B3GALT1: variants seen among roughly 807,000 people sequenced by gnomAD.
The protein encoded by B3GALT1 is beta-1,3-galactosyltransferase 1.
Under a neutral mutation model 23.2 loss-of-function variants are expected in B3GALT1, and 10 were observed. The ratio of observed to expected loss-of-function variants is 0.43; its 90% confidence interval spans 0.27 to 0.73. The LOEUF is 0.73. Among genes scored for constraint, B3GALT1 ranks in the 30% least tolerant of loss-of-function variants. The pLI, the probability that B3GALT1 is intolerant of heterozygous loss-of-function variation, is 0.21. For missense variants in B3GALT1, 299 were observed against 405.4 expected (o/e 0.74, Z 2.25); for synonymous variants, 156 against 141.5 (o/e 1.10, Z -0.73).
At chr2:167,607,576 G>A (rs1253895583) in intron 2 of B3GALT1, among the ~76,000 whole-genome samples, 1 of 152,180 alleles carries the variant, frequency 6.6e-6, no homozygotes, top group East Asian at 1.9e-4. Flanking sequence ...CAGGAGAAAG[G>A]AACAAAGAAA....
intron 2 of B3GALT1, among the ~76,000 whole-genome samples, chr2:167,568,622 A>G (rs1188112295): frequency 6.6e-6 from 1 of 151,992 alleles, no homozygotes; most frequent in Non-Finnish European, 1.5e-5. Context: ...TATATTTTAG[A>G]TAACAATATT....
chr2:167,648,307 C>T (rs925632267), intron 3 of B3GALT1, among the ~76,000 whole-genome samples: 1 of 152,078 alleles, frequency 6.6e-6, no homozygotes, highest in Non-Finnish European at 1.5e-5. Context: ...TTAAGAACTT[C>T]GTTGATCTAG....
chr2:167,685,819 T>C (rs1331510242), intron 3 of B3GALT1, among the ~76,000 whole-genome samples: 3 of 152,194 alleles, frequency 2.0e-5, no homozygotes, highest in Admixed American at 6.5e-5. Context: ...CTTTTTTCCT[T>C]AGAGGAAGGA....
chr2:167,294,062 G>A (rs1441263311), intron 1 of B3GALT1, among the ~76,000 whole-genome samples: 1 of 152,212 alleles, frequency 6.6e-6, no homozygotes, highest in African/African-American at 2.4e-5. Flanking sequence ...CCACTCTGAG[G>A]TACTGGTAGC....
At chr2:167,695,918 GT>G (rs1173990444) in intron 3 of B3GALT1, among the ~76,000 whole-genome samples, 1 of 152,110 alleles carries the variant, frequency 6.6e-6, no homozygotes, top group African/African-American at 2.4e-5. Flanking sequence ...GGCAGGGGAA[GT>G]GACAGTTGTA....
chr2:167,361,218 T>G (rs1442367935), intron 1 of B3GALT1, among the ~76,000 whole-genome samples: 1 of 150,212 alleles, frequency 6.7e-6, no homozygotes, highest in Non-Finnish European at 1.5e-5. Context: ...ACTAGTTTTT[T>G]TTTTTTTTTT....
chr2:167,566,275 C>G (rs1230554748), intron 2 of B3GALT1, among the ~76,000 whole-genome samples: 3 of 151,710 alleles, frequency 2.0e-5, no homozygotes, highest in African/African-American at 7.3e-5. Flanking sequence ...ACCGCATGTT[C>G]TCACTCATAG....
At chr2:167,548,875 T>A (rs1683697694) in intron 2 of B3GALT1, among the ~76,000 whole-genome samples, 1 of 152,196 alleles carries the variant, frequency 6.6e-6, no homozygotes. Flanking sequence ...TTATTATTTG[T>A]CTTTTTTAAC....
At chr2:167,638,088 A>G (rs1024888163) in intron 2 of B3GALT1, among the ~76,000 whole-genome samples, 1 of 152,054 alleles carries the variant, frequency 6.6e-6, no homozygotes, top group African/African-American at 2.4e-5. Flanking sequence ...AATAAGACCA[A>G]TAAGTGGCAT....
intron 3 of B3GALT1, among the ~76,000 whole-genome samples, chr2:167,764,714 A>G (rs1008723135): frequency 6.6e-6 from 1 of 152,246 alleles, no homozygotes; most frequent in Non-Finnish European, 1.5e-5. Flanking sequence ...CTAAAACATA[A>G]CAGTGCAAAT....
chr2:167,378,554 TTTA>T (rs889524293), intron 1 of B3GALT1, among the ~76,000 whole-genome samples: 2 of 152,138 alleles, frequency 1.3e-5, no homozygotes, highest in Admixed American at 1.3e-4. Context: ...TCTGACTGGG[TTTA>T]TTCAAAAGAC....
chr2:167,343,289 C>T (rs1697177799), intron 1 of B3GALT1, among the ~76,000 whole-genome samples: 1 of 152,104 alleles, frequency 6.6e-6, no homozygotes. Context: ...TCTGTTGACA[C>T]TTAAATTTTA....
At chr2:167,293,780 A>T (rs1048088645) in intron 1 of B3GALT1, among the ~76,000 whole-genome samples, 16 of 152,042 alleles carry the variant, frequency 1.1e-4, no homozygotes, top group Non-Finnish European at 2.1e-4. Flanking sequence ...TGCGGTGATT[A>T]AAAGGAGCTG....
intron 1 of B3GALT1, among the ~76,000 whole-genome samples, chr2:167,447,849 G>C (rs1303368958): frequency 6.6e-6 from 1 of 152,034 alleles, no homozygotes; most frequent in African/African-American, 2.4e-5. Flanking sequence ...GCTCTTGCTT[G>C]GTGGGCTGCA....
In B3GALT1 at chr2:167,596,797, T is replaced by C. The variant is rs141557601; in HGVS notation, c.-409-50112T>C. Among the ~76,000 whole-genome samples, 574 of 152,312 alleles carry C rather than the reference T, an allele frequency of 3.8e-3. 3 individuals carry two copies. Among genetic ancestry groups the C allele is most frequent in the African/African-American group, 0.013 (560 of 41,552 alleles). The stretch of plus-strand genomic sequence containing the variant: ...ATGGCACATTTATTACAAAGTTTTC[T>C]TAGGGAGCCCTCAATGTAGTGACTG... On this transcript the variant is annotated intron_variant, in intron 2 of 4. Transcript: ENST00000392690.
At chr2:167,480,489 T>C (rs561602003) in intron 1 of B3GALT1, among the ~76,000 whole-genome samples, 32 of 152,286 alleles carry the variant, frequency 2.1e-4, no homozygotes, top group African/African-American at 7.7e-4. Flanking sequence ...TGTGCAGCTG[T>C]GGACTCCCAT....
intron 1 of B3GALT1, among the ~76,000 whole-genome samples, chr2:167,484,027 T>A (rs1191228939): frequency 6.6e-6 from 1 of 152,210 alleles, no homozygotes; most frequent in African/African-American, 2.4e-5. Flanking sequence ...ATATGAGCCC[T>A]ATTGTCTTTA....
intron 1 of B3GALT1, among the ~76,000 whole-genome samples, chr2:167,442,564 T>C (rs1319708587): frequency 1.3e-5 from 2 of 151,660 alleles, no homozygotes; most frequent in Non-Finnish European, 2.9e-5. Flanking sequence ...TTTGAATGAT[T>C]GCCATTCTAA....
chr2:167,745,580 A>AT (rs1244157611), intron 3 of B3GALT1, among the ~76,000 whole-genome samples: 1 of 151,948 alleles, frequency 6.6e-6, no homozygotes. Flanking sequence ...GTTTAAAACT[A>AT]TTTTTTTCTC....
Sources: allele counts gnomAD v4.1 joint callset (sites outside exome capture counted in the v4.1 genomes callset), GRCh38; gene constraint gnomAD v4.1.1; transcripts MANE v1.5; gene names NCBI Gene and HGNC (gene_info 2026-07-23, HGNC 2026-07-21).